The following PDHA1 variants were observed in gnomAD, a reference collection of about 807,000 sequenced individuals.
PDHA1 encodes pyruvate dehydrogenase E1 component subunit alpha, somatic form, mitochondrial.
PDHA1 carries 1 observed loss-of-function variant against 33.0 expected under a neutral mutation model. The observed-to-expected ratio is 0.03, with a 90% CI of 0.01 to 0.14. The LOEUF is 0.14. Among genes scored for constraint, PDHA1 ranks in the 10% least tolerant of loss-of-function variants. The probability of loss-of-function intolerance (pLI) is 1.00; values close to 1 mark genes in which losing one functional copy is unlikely to be tolerated. For synonymous variants in PDHA1, 123 were observed against 119.2 expected (o/e 1.03, Z -0.21); for missense variants, 168 against 325.1 (o/e 0.52, Z 3.72).
In PDHA1 at chrX:19,350,030, G is replaced by A. The variant is rs957121684; in HGVS notation, c.211G>A (p.Val71Ile). Reference protein sequence around the residue: ...GLKYYRMMQTVRRMELKADQL... With the variant: ...GLKYYRMMQTIRRMELKADQL... The stretch of plus-strand genomic sequence containing the variant: ...CAAATACTACAGGATGATGCAGACT[G>A]TACGCCGAATGGAGTTGAAAGCAGA... Residue 71 changes from valine (V) to isoleucine (I), a missense_variant, in exon 3 of 11, where the codon GTA (valine) becomes ATA (isoleucine). By Grantham distance (29) the Val-to-Ile change is conservative. Coordinates refer to ENST00000422285, the MANE Select transcript of PDHA1 (RefSeq NM_000284.4). The A allele has an allele frequency of 1.0e-5, 12 of 1,201,898 alleles. No homozygotes were observed. Among genetic ancestry groups the A allele is most frequent in the Non-Finnish European group, 1.4e-5 (12 of 887,855 alleles).
intron 6 of PDHA1, among the ~76,000 whole-genome samples, chrX:19,355,026 G>A (rs1490728184): frequency 8.9e-6 from 1 of 112,685 alleles, no homozygotes; most frequent in Non-Finnish European, 1.9e-5. Flanking sequence ...CTGATTCTTA[G>A]GTGCTGGTTC....
At chrX:19,356,019 T>C (rs1397355750) in intron 8 of PDHA1, among the ~76,000 whole-genome samples, 1 of 111,936 alleles carries the variant, frequency 8.9e-6, no homozygotes, top group Non-Finnish European at 1.9e-5. Context: ...CTGATTTGCC[T>C]TTTCCTTAGG....
chrX:19,350,833 G>A (rs2063159043), intron 3 of PDHA1, among the ~76,000 whole-genome samples: 1 of 111,792 alleles, frequency 8.9e-6, no homozygotes, highest in South Asian at 3.7e-4. Context: ...AGTGAAGAAG[G>A]CTAGGTATAC....
chrX:19,348,745 AC>A, intron 1 of PDHA1, among the ~76,000 whole-genome samples: 1 of 111,917 alleles, frequency 8.9e-6, no homozygotes, highest in East Asian at 2.8e-4. Context: ...GGAGTTGGAG[AC>A]CAGCCTGGCC....
At chrX:19,345,344 G>A (rs958730407) in intron 1 of PDHA1, among the ~76,000 whole-genome samples, 4 of 110,068 alleles carry the variant, frequency 3.6e-5, no homozygotes, top group Non-Finnish European at 7.6e-5. Context: ...GCTGAGGCAG[G>A]TGGATCACCT....
At chrX:19,351,633 A>G in intron 4 of PDHA1, 1 of 380,499 alleles carries the variant, frequency 2.6e-6, no homozygotes, top group South Asian at 4.9e-5. Context: ...GTGCTATAAA[A>G]TCACAGTAGG....
Position 19,357,593 on chromosome X carries a change from C to T in PDHA1, c.832-59C>T, listed in dbSNP as rs928281611. The T allele has an allele frequency of 1.8e-4, 172 of 974,256 alleles. 1 individual carries two copies. The South Asian group carries it at 1.9e-3, about 11-fold the overall frequency. The allele number at this position is 974,256 out of a possible 1,213,427, so 80.3% of individuals were successfully genotyped here. The stretch of plus-strand genomic sequence containing the variant: ...GCCTGCGTTTGAGGCCGTGGATTGC[C>T]GGCCTGTTCTTCCAGTCATCGTTCC... On this transcript the variant is annotated intron_variant, in intron 8 of 10. Coordinates refer to ENST00000422285, the MANE Select transcript of PDHA1 (RefSeq NM_000284.4).
intron 3 of PDHA1, among the ~76,000 whole-genome samples, chrX:19,350,508 C>T (rs891516118): frequency 8.9e-5 from 10 of 112,132 alleles, no homozygotes; most frequent in Admixed American, 2.8e-4. Context: ...TCAAGTGGTC[C>T]GCCCACCTTG....
intron 8 of PDHA1, 179 bp from the exon 9 acceptor site, chrX:19,357,473 A>G (rs1468416244): frequency 5.8e-6 from 3 of 520,428 alleles, no homozygotes; most frequent in African/African-American, 4.6e-5. Context: ...TATGCAATCA[A>G]TACTTGCTAG....
Position 19,355,406 on chromosome X carries a change from A to G in PDHA1, c.661A>G (p.Ile221Val), listed in dbSNP as rs1410654779. Reference sequence around the variant, plus strand: ...TTTGTGGAAATTACCTTGTATTTTCATCTGTGAGAATAATCGCTATGGAAT... The same window carrying G: ...TTTGTGGAAATTACCTTGTATTTTCGTCTGTGAGAATAATCGCTATGGAAT... ...AALWKLPCIF[I>V]CENNRYGMGT... is the part of the protein sequence containing the mutation. Residue 221 changes from isoleucine to valine, a missense_variant, in exon 7 of 11, where the codon ATC (isoleucine) becomes GTC (valine). By Grantham distance (29) the Ile-to-Val change is conservative. Around this residue, in one of 5 missense-constraint regions of PDHA1, gnomAD observed 35 missense variants for 148.5 expected, o/e 0.24. Transcript: ENST00000422285. 1 of 1,210,673 alleles carries G rather than the reference A, an allele frequency of 8.3e-7. No homozygotes were observed. The highest frequency in any genetic ancestry group is 2.2e-5 in the Admixed American group (1 of 46,094).
intron 8 of PDHA1, among the ~76,000 whole-genome samples, chrX:19,356,140 AAT>A (rs1287920874): frequency 3.6e-5 from 4 of 111,738 alleles, no homozygotes; most frequent in Non-Finnish European, 7.5e-5. Context: ...ATAGGCATTT[AAT>A]ATGTGTGTCT....
Position 19,354,545 on chromosome X carries a change from G to A in PDHA1, c.565G>A (p.Val189Ile). The A allele has an allele frequency of 8.3e-7, 1 of 1,198,598 alleles. No homozygotes were observed. The highest frequency in any genetic ancestry group is 1.7e-5 in the African/African-American group (1 of 57,496). Residue 189 changes from valine to isoleucine, a missense_variant, in exon 6 of 11, where the codon GTC becomes ATC. Val to Ile is a conservative substitution (Grantham distance 29, BLOSUM62 3). Transcript: ENST00000422285. ...CTGTAAGTATAATGGAAAAGATGAGGTCTGCCTGACTTTATATGGCGATGG... is the reference window on the plus strand; with the variant it reads ...CTGTAAGTATAATGGAAAAGATGAGATCTGCCTGACTTTATATGGCGATGG... The part of the protein sequence containing the change: ...LACKYNGKDE[V>I]CLTLYGDGAA...
chrX:19,355,228 A>AT, intron 6 of PDHA1, 121 bp from the exon 7 acceptor site: 1 of 878,408 alleles, frequency 1.1e-6, no homozygotes, highest in South Asian at 2.0e-5. Flanking sequence ...GCTCGGTTTT[A>AT]GAAGAGGAGG....
At chrX:19,346,625 T>A in intron 1 of PDHA1, 1 of 951,606 alleles carries the variant, frequency 1.1e-6, no homozygotes, top group Non-Finnish European at 1.3e-6. Flanking sequence ...ACCAGGCAGG[T>A]AGGGAGATTT....
chrX:19,347,217 G>C (rs1294941332), intron 1 of PDHA1, among the ~76,000 whole-genome samples: 1 of 111,729 alleles, frequency 9.0e-6, no homozygotes, highest in Non-Finnish European at 1.9e-5. Flanking sequence ...TTTAAAATTT[G>C]AGTGGGTTGT....
In PDHA1 at chrX:19,360,101, TTTTAAAATAAGAC is replaced by T. The variant is rs201758797; in HGVS notation, c.*452_*464del. The stretch of plus-strand genomic sequence containing the variant: ...ATTATCAGGCAAGAGGACAGTTCCA[TTTTAAAATAAGAC>T]TTTTGTAATCATTCCAATTTTGTAA... On this transcript the variant is annotated 3_prime_UTR_variant, in exon 11 of 11. Transcript: ENST00000422285. 6,213 of 159,833 alleles carry T rather than the reference TTTTAAAATAAGAC, an allele frequency of 0.039. 263 individuals carry two copies. Among genetic ancestry groups the T allele is most frequent in the African/African-American group, 0.15 (4,676 of 31,736 alleles). 13.2% of individuals were successfully genotyped at this position (159,833 alleles called of 1,213,427 possible).
intron 9 of PDHA1, among the ~76,000 whole-genome samples, chrX:19,358,445 A>AAAGGC (rs1191713081): frequency 9.0e-6 from 1 of 111,537 alleles, no homozygotes; most frequent in Non-Finnish European, 1.9e-5. Context: ...CTTAAGGGAG[A>AAAGGC]AAGGCAAGGC....
At chrX:19,346,379 C>T in intron 1 of PDHA1, 1 of 304,730 alleles carries the variant, frequency 3.3e-6, no homozygotes, top group Non-Finnish European at 5.7e-6. Flanking sequence ...AGTGCAGTAG[C>T]AGGACAGCTC....
At position 19,355,741 on chromosome X, in the gene PDHA1, A is replaced by G. The variant is rs752225588; in HGVS notation, c.815A>G (p.Tyr272Cys). Residue 272 changes from tyrosine (Y) to cysteine (C), a missense_variant, in exon 8 of 11, where the codon TAT (tyrosine) becomes TGT (cysteine). This residue lies in a region of PDHA1 where 27 missense variants were observed against 43.8 expected (regional missense o/e 0.62). Coordinates refer to ENST00000422285, the MANE Select transcript of PDHA1 (RefSeq NM_000284.4). ...VREATRFAAAYCRSGKGPILM... is the reference protein window; with the variant it reads ...VREATRFAAACCRSGKGPILM... ...GAGGCAACAAGGTTTGCTGCTGCCT[A>G]TTGTAGATCTGGGAAGGTAAGGCTC... 1 of 1,201,279 alleles carries G rather than the reference A, an allele frequency of 8.3e-7. No homozygotes were observed. Among genetic ancestry groups the G allele is most frequent in the East Asian group, 3.0e-5 (1 of 33,759 alleles).
Sources: allele counts gnomAD v4.1 joint callset (sites outside exome capture counted in the v4.1 genomes callset), GRCh38; gene constraint gnomAD v4.1.1; regional missense constraint gnomAD v4.1.1; transcripts MANE v1.5; gene names NCBI Gene and HGNC (gene_info 2026-07-23, HGNC 2026-07-21).